Variants in GALNT11 observed in about 807,000 individuals in gnomAD.
GALNT11 encodes UDP-GalNAc:polypeptide N-acetylgalactosaminyltransferase 11.
In GALNT11, 47 loss-of-function variants were observed where a neutral mutation model predicts 72.7. The ratio of observed to expected loss-of-function variants is 0.65; its 90% CI spans 0.51 to 0.82. The LOEUF is 0.82. GALNT11 is among the 40% of genes least tolerant of loss of function. The probability of loss-of-function intolerance (pLI) is 0.00; values close to 1 mark genes in which losing one functional copy is unlikely to be tolerated. For synonymous variants in GALNT11, 270 were observed against 286.6 expected, an observed-to-expected ratio of 0.94 and a Z score of 0.58; for missense variants, 677 against 778.4, an observed-to-expected ratio of 0.87 and a Z score of 1.55.
At chr7:152,088,321 A>AGTAG (rs1407646931) in intron 1 of GALNT11, among the ~76,000 whole-genome samples, 1 of 152,098 alleles carries the variant, frequency 6.6e-6, no homozygotes, top group Non-Finnish European at 1.5e-5. Flanking sequence ...TATTTTTCCT[A>AGTAG]GTTTGTTAAG....
chr7:152,056,635 A>G (rs919877248), intron 1 of GALNT11, among the ~76,000 whole-genome samples: 1 of 152,210 alleles, frequency 6.6e-6, no homozygotes, highest in African/African-American at 2.4e-5. Context: ...AAGCAGAAGT[A>G]AAAAGAAAAT....
intron 1 of GALNT11, among the ~76,000 whole-genome samples, chr7:152,035,844 A>G (rs993558229): frequency 6.6e-6 from 1 of 152,170 alleles, no homozygotes; most frequent in African/African-American, 2.4e-5. Flanking sequence ...GTCAGCCCCA[A>G]GTGAGGATGG....
rs115898223 is a variant in GALNT11 at position 152,097,807 on chromosome 7, G to A, written c.296-2991G>A. On this transcript the variant is annotated intron_variant, in intron 2 of 11. Transcript: ENST00000430044. The stretch of plus-strand genomic sequence containing the variant: ...AAATGTCTAGAATAGGCAGGTCCAT[G>A]GAGACAGAAGGCAAATGAGTGGTTC... 2.3e-3 allele frequency among the ~76,000 whole-genome samples: 356 copies of A among 152,324 alleles called. 1 individual carries two copies. Among genetic ancestry groups the A allele is most frequent in the African/African-American group, 8.3e-3 (343 of 41,570 alleles).
chr7:152,029,853 CCCTGTTAGGAAA>C (rs1362679491), intron 1 of GALNT11, among the ~76,000 whole-genome samples: 1 of 152,204 alleles, frequency 6.6e-6, no homozygotes, highest in Non-Finnish European at 1.5e-5. Context: ...GATTTAGATC[CCCTGTTAGGAAA>C]CCTGCTGGGT....
At chr7:152,086,254 A>G (rs941384768) in intron 1 of GALNT11, among the ~76,000 whole-genome samples, 1 of 152,008 alleles carries the variant, frequency 6.6e-6, no homozygotes, top group African/African-American at 2.4e-5. Context: ...TGAACTCCAG[A>G]TCTCAGGTGA....
At chr7:152,052,519 T>C (rs549071934) in intron 1 of GALNT11, among the ~76,000 whole-genome samples, 16 of 152,344 alleles carry the variant, frequency 1.1e-4, no homozygotes, top group South Asian at 6.2e-4. Flanking sequence ...TAAAAACTGC[T>C]TTCTTAAAGA....
chr7:152,082,774 A>G (rs1563061503), intron 1 of GALNT11, among the ~76,000 whole-genome samples: 1 of 152,238 alleles, frequency 6.6e-6, no homozygotes. Context: ...TTACACATGT[A>G]TGAAAGCTTC....
At chr7:152,031,522 CAGTG>C (rs2082304480) in intron 1 of GALNT11, among the ~76,000 whole-genome samples, 1 of 152,228 alleles carries the variant, frequency 6.6e-6, no homozygotes, top group Non-Finnish European at 1.5e-5. Context: ...GTAGTCCAGA[CAGTG>C]AGATCCTTTC....
chr7:152,074,658 T>G (rs780452654), intron 1 of GALNT11, among the ~76,000 whole-genome samples: 5 of 152,098 alleles, frequency 3.3e-5, no homozygotes, highest in Non-Finnish European at 5.9e-5. Context: ...GGTGGTGAAG[T>G]GTGAGGGAGG....
intron 1 of GALNT11, among the ~76,000 whole-genome samples, chr7:152,089,737 T>C (rs2085889544): frequency 6.6e-6 from 1 of 152,226 alleles, no homozygotes; most frequent in Non-Finnish European, 1.5e-5. Context: ...TGAGCATGTT[T>C]AACAGCTACA....
chr7:152,106,122 G>A (rs1455789540), intron 5 of GALNT11, among the ~76,000 whole-genome samples: 1 of 152,202 alleles, frequency 6.6e-6, no homozygotes, highest in Non-Finnish European at 1.5e-5. Flanking sequence ...TTAAATAAAT[G>A]TAATTAAAAC....
chr7:152,110,556 GC>G lies in GALNT11; in HGVS notation c.993del (p.Met332Ter). ...ACCAACAATGGCTGGAGGTTTGTTT[GC>G]CATGAACAGACAGTATTTCCATGAA... ...KSPTMAGGLF[A>X]MNRQYFHELG... On this transcript the variant is annotated frameshift_variant, in exon 7 of 12. Coordinates refer to ENST00000430044, the MANE Select transcript of GALNT11 (RefSeq NM_022087.4). LOFTEE classifies it high-confidence loss of function. The G allele has an allele frequency of 6.2e-7, 1 of 1,613,486 alleles. No individual in the cohort carries two copies. The highest frequency in any genetic ancestry group is 1.1e-5 in the South Asian group (1 of 90,832).
chr7:152,036,046 GA>G (rs2151994453), intron 1 of GALNT11, among the ~76,000 whole-genome samples: 1 of 152,300 alleles, frequency 6.6e-6, no homozygotes, highest in South Asian at 2.1e-4. Context: ...CTTGAAGAGG[GA>G]GGAAGTATTC....
At chr7:152,087,151 A>G (rs1424137878) in intron 1 of GALNT11, among the ~76,000 whole-genome samples, 1 of 152,252 alleles carries the variant, frequency 6.6e-6, no homozygotes, top group Non-Finnish European at 1.5e-5. Flanking sequence ...GGAGAGATAA[A>G]CAATAAATAA....
At chr7:152,062,446 A>G (rs2084073654) in intron 1 of GALNT11, among the ~76,000 whole-genome samples, 2 of 152,218 alleles carry the variant, frequency 1.3e-5, no homozygotes, top group African/African-American at 2.4e-5. Context: ...TCCTAATTGA[A>G]TACCCTTTAT....
In GALNT11 at chr7:152,103,226, G is replaced by GT; in HGVS notation, c.534_535insT (p.Pro179SerfsTer7). On this transcript the variant is annotated frameshift_variant, in exon 4 of 12. Coordinates refer to ENST00000430044, the MANE Select transcript of GALNT11 (RefSeq NM_022087.4). LOFTEE classifies it high-confidence loss of function. ...CAGTGCACAGTGTCATAGACCGCAC[G>GT]CCAGCACACCTGCTTCATGAGATCA... 1 of 1,613,542 alleles carries GT rather than the reference G, an allele frequency of 6.2e-7. No individual in the cohort carries two copies. Among genetic ancestry groups the GT allele is most frequent in the Non-Finnish European group, 8.5e-7 (1 of 1,179,652 alleles).
intron 1 of GALNT11, among the ~76,000 whole-genome samples, chr7:152,060,673 T>C (rs2083953221): frequency 1.3e-5 from 2 of 151,866 alleles, no homozygotes; most frequent in South Asian, 4.2e-4. Context: ...CCTTCCTGTT[T>C]CCAAGTGTTC....
intron 11 of GALNT11, 68 bp downstream of exon 11, chr7:152,121,036 A>G: frequency 1.9e-6 from 3 of 1,548,928 alleles, no homozygotes; most frequent in Non-Finnish European, 2.6e-6. Context: ...GGAGTGTGGC[A>G]GATGAACTCA....
intron 1 of GALNT11, among the ~76,000 whole-genome samples, chr7:152,069,532 A>G (rs2084502794): frequency 6.6e-6 from 1 of 152,182 alleles, no homozygotes; most frequent in Non-Finnish European, 1.5e-5. Flanking sequence ...CTCCAACTGT[A>G]GTAGTGGATT....
Sources: allele counts gnomAD v4.1 joint callset (sites outside exome capture counted in the v4.1 genomes callset), GRCh38; gene constraint gnomAD v4.1.1; transcripts MANE v1.5; gene names NCBI Gene and HGNC (gene_info 2026-07-23, HGNC 2026-07-21).